The following NOB1 variants were observed in gnomAD, a reference collection of about 807,000 sequenced individuals.
NOB1 encodes RNA-binding protein NOB1.
In NOB1, 44 loss-of-function variants were observed where a neutral mutation model predicts 44.8. The observed-to-expected ratio is 0.98, with a 90% CI of 0.77 to 1.26. The LOEUF (loss-of-function observed/expected upper bound fraction) is 1.26. Among genes scored for constraint, NOB1 ranks in the 50% most tolerant of loss-of-function variants. The pLI is 0.00. For synonymous variants in NOB1, 238 were observed against 218.7 expected (o/e 1.09, Z -0.78); for missense variants, 560 against 544.8 (o/e 1.03, Z -0.28).
intron 6 of NOB1, 154 bp downstream of exon 6, chr16:69,748,764 C>G (rs929785595): frequency 3.1e-6 from 2 of 650,630 alleles, no homozygotes; most frequent in Non-Finnish European, 5.2e-6. Context: ...TGTCTAGCCT[C>G]TAAGCAAAAT....
Position 69,742,179 on chromosome 16 carries a change from G to T in NOB1, c.*153C>A. The stretch of plus-strand genomic sequence containing the variant: ...CCATGGGACAGTCCAGTTCCCTGCA[G>T]ACCCAGCGGGGCATGGGCGGACAGA... On this transcript the variant is annotated 3_prime_UTR_variant, in exon 9 of 9. Coordinates refer to ENST00000268802, the MANE Select transcript of NOB1 (RefSeq NM_014062.3). The T allele has an allele frequency of 1.0e-6, 1 of 969,794 alleles. No homozygotes were observed. Among genetic ancestry groups the T allele is most frequent in the East Asian group, 2.6e-5 (1 of 38,512 alleles). 60.1% of individuals were successfully genotyped at this position (969,794 alleles called of 1,614,324 possible).
In NOB1 at chr16:69,747,826, C is replaced by A. The variant is rs540587181; in HGVS notation, c.824+406G>T. 3.9e-5 allele frequency among the ~76,000 whole-genome samples: 6 copies of A among 152,114 alleles called. No individual in the cohort carries two copies. The South Asian group carries it at 1.0e-3, about 26-fold the overall frequency. ...GGAATGATGAGGTGGAAGAAACACA[C>A]ATAATGTAGGGTTCTCTTTAAACAA... On this transcript the variant is annotated intron_variant, in intron 7 of 8. Transcript: ENST00000268802.
intron 7 of NOB1, 53 bp from the exon 8 acceptor site, chr16:69,745,070 C>T (rs2038418803): frequency 1.3e-6 from 2 of 1,599,046 alleles, no homozygotes; most frequent in African/African-American, 2.7e-5. Flanking sequence ...CAGCAAACGC[C>T]TCCCCAGAGC....
chr16:69,748,546 C>T (rs1268128419), intron 6 of NOB1, among the ~76,000 whole-genome samples: 1 of 152,150 alleles, frequency 6.6e-6, no homozygotes, highest in African/African-American at 2.4e-5. Context: ...TTTTCCATGA[C>T]CTGTCATTAG....
chr16:69,753,991 G>A (rs6499251), intron 2 of NOB1, among the ~76,000 whole-genome samples: 85,169 of 151,942 alleles, frequency 0.56, 25,165 homozygotes, highest in Non-Finnish European at 0.66. Context: ...TTTTAGTAGA[G>A]GCAGGGTTTC....
At chr16:69,750,818 C>T (rs1171203418) in intron 3 of NOB1, among the ~76,000 whole-genome samples, 1 of 152,072 alleles carries the variant, frequency 6.6e-6, no homozygotes, top group Non-Finnish European at 1.5e-5. Context: ...AAATATGAGT[C>T]CACCATAGTT....
Position 69,749,225 on chromosome 16 carries a change from C to T in NOB1, c.513G>A (p.Leu171=), listed in dbSNP as rs1305818004. The T allele has an allele frequency of 2.5e-6, 4 of 1,612,914 alleles. No homozygotes were observed. The highest frequency in any genetic ancestry group is 2.7e-5 in the African/African-American group (2 of 74,812). The change falls in exon 5 of 9, where the codon CTG becomes CTA. Residue 171 remains leucine (L), a synonymous_variant. Coordinates refer to ENST00000268802, the MANE Select transcript of NOB1 (RefSeq NM_014062.3). The part of the protein sequence containing the change: ...RNPLPNIDHE[L]QELLIDRGED... ...GTCAAGGCCTCACCAGCAGCTCCTGCAGTTCATGATCGATGTTGGGCAAAG... is the reference window on the plus strand; with the variant it reads ...GTCAAGGCCTCACCAGCAGCTCCTGTAGTTCATGATCGATGTTGGGCAAAG...
chr16:69,742,633 G>T, intron 8 of NOB1, 32 bp from the exon 9 acceptor site: 1 of 1,608,692 alleles, frequency 6.2e-7, no homozygotes, highest in East Asian at 2.2e-5. Flanking sequence ...GCCATTAGAA[G>T]AAGGGGAGCC....
At chr16:69,748,123 C>T (rs990172420) in intron 7 of NOB1, 109 bp downstream of exon 7, 6 of 747,768 alleles carry the variant, frequency 8.0e-6, no homozygotes, top group Non-Finnish European at 1.3e-5. Flanking sequence ...TGAGATTGTA[C>T]CACTGCACTC....
At chr16:69,744,501 C>T (rs2038411946) in intron 8 of NOB1, among the ~76,000 whole-genome samples, 1 of 152,150 alleles carries the variant, frequency 6.6e-6, no homozygotes, top group African/African-American at 2.4e-5. Context: ...TCTGCGTCGG[C>T]AGCTGCTGCT....
intron 2 of NOB1, among the ~76,000 whole-genome samples, chr16:69,753,029 CT>C (rs1567644697): frequency 6.6e-6 from 1 of 152,152 alleles, no homozygotes; most frequent in Non-Finnish European, 1.5e-5. Context: ...CCAGACCAGC[CT>C]GGCCAACATG....
At position 69,742,548 on chromosome 16, in the gene NOB1, G is replaced by C. The variant is rs183924846; in HGVS notation, c.1023C>G (p.Thr341=). 1 of 1,614,106 alleles carries C rather than the reference G, an allele frequency of 6.2e-7. No homozygotes were observed. Among genetic ancestry groups the C allele is most frequent in the East Asian group, 2.2e-5 (1 of 44,880 alleles). Residue 341 remains threonine, a synonymous_variant, in exon 9 of 9, where the codon ACC becomes ACG. Transcript: ENST00000268802. ...GCAGCTGAGGGAAGCGCTGATCCTC[G>C]GTGAGATGGGGGTTGATGGCGTATT... ...GGKYAINPHL[T]EDQRFPQLRL...
Position 69,754,582 on chromosome 16 carries a change from A to G in NOB1, c.196+12T>C, listed in dbSNP as rs1389474579. On this transcript the variant is annotated intron_variant, in intron 2 of 8. Coordinates refer to ENST00000268802, the MANE Select transcript of NOB1 (RefSeq NM_014062.3). Reference sequence around the variant, plus strand: ...CCCAGCTTCCCGTCAACGCTAGGGCAGAGGCACTCACCCAGCCGCACGTAT... The same window carrying G: ...CCCAGCTTCCCGTCAACGCTAGGGCGGAGGCACTCACCCAGCCGCACGTAT... The G allele has an allele frequency of 6.2e-7, 1 of 1,613,886 alleles. No homozygotes were observed.
intron 3 of NOB1, among the ~76,000 whole-genome samples, chr16:69,751,100 T>C (rs964091463): frequency 6.6e-6 from 1 of 152,122 alleles, no homozygotes; most frequent in Non-Finnish European, 1.5e-5. Context: ...AAAGCTCTCT[T>C]TTTTTCAGAC....
chr16:69,742,874 G>C (rs1478326032), intron 8 of NOB1, among the ~76,000 whole-genome samples: 1 of 152,136 alleles, frequency 6.6e-6, no homozygotes, highest in Non-Finnish European at 1.5e-5. Flanking sequence ...ATTCCAGTGT[G>C]TATTTACACA....
chr16:69,745,480 C>T (rs2038422758), intron 7 of NOB1, among the ~76,000 whole-genome samples: 1 of 152,208 alleles, frequency 6.6e-6, no homozygotes, highest in Non-Finnish European at 1.5e-5. Flanking sequence ...CGAGGGGCAC[C>T]TCGTCACACC....
chr16:69,752,055 A>G (rs2038487069), intron 3 of NOB1, among the ~76,000 whole-genome samples, 186 bp downstream of exon 3: 1 of 150,882 alleles, frequency 6.6e-6, no homozygotes, highest in African/African-American at 2.4e-5. Flanking sequence ...ACAGAGCAAG[A>G]CTCTATCTCA....
chr16:69,748,400 C>T, intron 6 of NOB1, 71 bp from the exon 7 acceptor site: 4 of 1,394,416 alleles, frequency 2.9e-6, no homozygotes, highest in Non-Finnish European at 4.0e-6. Context: ...GTTAAGGGAA[C>T]TTCACAAACC....
In NOB1 at chr16:69,746,560, C is replaced by T. The variant is rs547620134; in HGVS notation, c.825-1543G>A. On this transcript the variant is annotated intron_variant, in intron 7 of 8. Transcript: ENST00000268802. ...CTTATGTATTGGATACCACAGAGTC[C>T]TTGACACAACTGTCTTCCTAGTTCC... Among the ~76,000 whole-genome samples, 6 of 152,330 alleles carry T rather than the reference C, an allele frequency of 3.9e-5. No individual in the cohort carries two copies. In the East Asian group the frequency reaches 1.2e-3, roughly 29 times the overall value.
Sources: allele counts gnomAD v4.1 joint callset (sites outside exome capture counted in the v4.1 genomes callset), GRCh38; gene constraint gnomAD v4.1.1; transcripts MANE v1.5; gene names NCBI Gene and HGNC (gene_info 2026-07-23, HGNC 2026-07-21).